USP50: variants seen among roughly 807,000 people sequenced by gnomAD.
The protein encoded by USP50 is ubiquitin specific peptidase 50.
In USP50, 37 loss-of-function variants were observed where a neutral mutation model predicts 39.2. The observed-to-expected ratio is 0.94, with a 90% CI of 0.73 to 1.24. The LOEUF (loss-of-function observed/expected upper bound fraction) is 1.24. USP50 is among the 50% of genes most tolerant of loss of function. The pLI, the probability that USP50 is intolerant of heterozygous loss-of-function variation, is 0.00. For missense variants in USP50, 374 were observed against 398.2 expected (o/e 0.94, Z 0.52); for synonymous variants, 139 against 144.5 (o/e 0.96, Z 0.27).
intron 6 of USP50, chr15:50,505,417 T>A (rs2052645231): frequency 6.6e-6 from 1 of 152,176 alleles, no homozygotes; most frequent in African/African-American, 2.4e-5. Flanking sequence ...GGAATTTGAT[T>A]TCTAGTTATC....
downstream of USP50, chr15:50,495,972 G>A: frequency 6.2e-7 from 1 of 1,613,790 alleles, no homozygotes; most frequent in Non-Finnish European, 8.5e-7. Context: ...CTTTTTCAGG[G>A]TCAATTCAAA....
intron 4 of USP50, among the ~76,000 whole-genome samples, chr15:50,539,661 G>A (rs1476335500): frequency 4.6e-5 from 7 of 150,916 alleles, no homozygotes; most frequent in African/African-American, 7.3e-5. Flanking sequence ...TGATCCGCCC[G>A]CCTTGGCCTC....
At chr15:50,522,036 A>G (rs1416146659) in intron 6 of USP50, among the ~76,000 whole-genome samples, 2 of 152,190 alleles carry the variant, frequency 1.3e-5, no homozygotes, top group Non-Finnish European at 2.9e-5. Context: ...AGAAACTACT[A>G]TAAACAATTA....
intron 6 of USP50, among the ~76,000 whole-genome samples, chr15:50,528,876 T>C (rs2052918627): frequency 1.3e-5 from 2 of 152,132 alleles, no homozygotes; most frequent in Admixed American, 6.6e-5. Flanking sequence ...TGGGCTCCGG[T>C]GGGAGTCTCA....
At position 50,546,453 on chromosome 15, in the gene USP50, T is replaced by C. The variant is rs745679791; in HGVS notation, c.53+20A>G. 6.2e-7 allele frequency: 1 copy of C among 1,613,092 alleles called. No homozygotes were observed. Among genetic ancestry groups the C allele is most frequent in the Non-Finnish European group, 8.5e-7 (1 of 1,179,184 alleles). Reference sequence around the variant, plus strand: ...CCACCACTGGGCTAATCTAGAAAGCTGTAGTAGATCAAGGCTCACAGGACG... The same window carrying C: ...CCACCACTGGGCTAATCTAGAAAGCCGTAGTAGATCAAGGCTCACAGGACG... On this transcript the variant is annotated intron_variant, in intron 1 of 6. Coordinates refer to ENST00000532404, the MANE Select transcript of USP50 (RefSeq NM_203494.5).
At chr15:50,508,875 C>T (rs2052698864) in intron 6 of USP50, 1 of 150,908 alleles carries the variant, frequency 6.6e-6, no homozygotes, top group African/African-American at 2.4e-5. Context: ...TGGCTCACGC[C>T]TGTAATCCCA....
At chr15:50,510,078 A>T (rs961606921) in intron 6 of USP50, 2 of 152,174 alleles carry the variant, frequency 1.3e-5, no homozygotes, top group Non-Finnish European at 2.9e-5. Flanking sequence ...TATAGCTATA[A>T]TTAATACAGT....
Position 50,509,909 on chromosome 15 carries a change from T to A in USP50, c.937-9072A>T, listed in dbSNP as rs146021651. ...GGGCCAGGAATAATCGAAATACTAC[T>A]GAAAAATAAGAATAAAGTTGTGATG... On this transcript the variant is annotated intron_variant, in intron 6 of 6. Coordinates refer to ENST00000532404, the MANE Select transcript of USP50 (RefSeq NM_203494.5). 8.3e-4 allele frequency: 127 copies of A among 152,230 alleles called. 1 individual carries two copies. The highest frequency in any genetic ancestry group is 3.0e-3 in the African/African-American group (123 of 41,568). 9.4% of individuals were successfully genotyped at this position (152,230 alleles called of 1,614,324 possible).
chr15:50,500,599 C>A lies in USP50; in HGVS notation c.*170G>T. ...GTTTAATGACCAAGCAAAACTCTAC[C>A]ACCAGATGCTGACTGCTTGTTTTGC... On this transcript the variant is annotated 3_prime_UTR_variant, in exon 7 of 7. Coordinates refer to ENST00000532404, the MANE Select transcript of USP50 (RefSeq NM_203494.5). 1.7e-6 allele frequency: 1 copy of A among 572,776 alleles called. No individual in the cohort carries two copies. The highest frequency in any genetic ancestry group is 2.3e-5 in the South Asian group (1 of 44,410). 35.5% of individuals were successfully genotyped at this position (572,776 alleles called of 1,614,324 possible).
At chr15:50,510,791 T>C (rs1278123540) in intron 6 of USP50, 1 of 152,134 alleles carries the variant, frequency 6.6e-6, no homozygotes, top group African/African-American at 2.4e-5. Flanking sequence ...TGGTTTTTTT[T>C]TTAGAGATGG....
At chr15:50,530,369 G>A (rs777541450) in intron 5 of USP50, among the ~76,000 whole-genome samples, 3 of 151,960 alleles carry the variant, frequency 2.0e-5, no homozygotes, top group Non-Finnish European at 4.4e-5. Context: ...GATCACTTGA[G>A]GTCAGGAGTT....
downstream of USP50, among the ~76,000 whole-genome samples, chr15:50,496,446 A>C (rs2052409890): frequency 6.8e-6 from 1 of 146,570 alleles, no homozygotes; most frequent in African/African-American, 2.6e-5. Context: ...TCGCCACTGC[A>C]CTCCAGCCTA....
At chr15:50,498,022 A>G (rs780761156), downstream of USP50, among the ~76,000 whole-genome samples, 3 of 152,202 alleles carry the variant, frequency 2.0e-5, no homozygotes, top group Non-Finnish European at 4.4e-5. Context: ...GGATTCTGGA[A>G]GTATAAACAT....
chr15:50,536,995 A>G (rs2052984919), intron 5 of USP50, among the ~76,000 whole-genome samples: 1 of 152,212 alleles, frequency 6.6e-6, no homozygotes, highest in African/African-American at 2.4e-5. Flanking sequence ...CCAAAACTAT[A>G]CTGAAGGAAA....
chr15:50,519,716 TA>T (rs36075468), intron 6 of USP50, among the ~76,000 whole-genome samples: 163 of 141,608 alleles, frequency 1.2e-3, no homozygotes, highest in Admixed American at 1.2e-3. Context: ...CTCCGTCTCT[TA>T]AAAAAAAAAA....
chr15:50,525,620 A>G lies in USP50; in HGVS notation c.936+4177T>C, dbSNP rs71394995. On this transcript the variant is annotated intron_variant, in intron 6 of 6. Transcript: ENST00000532404. ...TATATGTATATGTATATATGTATAT[A>G]TGTATATGTATATATGTATATGTGT... Among the ~76,000 whole-genome samples the G allele has an allele frequency of 4.0e-3, 470 of 116,192 alleles. 5 individuals carry two copies. Among genetic ancestry groups the G allele is most frequent in the African/African-American group, 0.016 (434 of 27,240 alleles). The allele number at this position is 116,192 out of a possible 152,430, so 76.2% of individuals were successfully genotyped here. A position where few individuals can be genotyped will look rare whatever the true frequency, so the allele number is the denominator to read the frequency against.
chr15:50,522,560 C>T (rs1327109567), intron 6 of USP50, among the ~76,000 whole-genome samples: 1 of 152,092 alleles, frequency 6.6e-6, no homozygotes, highest in Admixed American at 6.6e-5. Context: ...TAAAGCCAGA[C>T]AAGGACAGTA....
At chr15:50,507,853 G>A (rs919259774) in intron 6 of USP50, 5 of 152,002 alleles carry the variant, frequency 3.3e-5, no homozygotes, top group South Asian at 2.1e-4. Flanking sequence ...GGCGAATCAC[G>A]AGGTCAGGAG....
Position 50,538,810 on chromosome 15 carries a change from C to T in USP50, c.702G>A (p.Trp234Ter), listed in dbSNP as rs771754475. 2 of 1,613,036 alleles carry T rather than the reference C, an allele frequency of 1.2e-6. No individual in the cohort carries two copies. The highest frequency in any genetic ancestry group is 1.7e-6 in the Non-Finnish European group (2 of 1,179,490). ...AAAAGGAGCAGTGAATTTCGTTGTT[C>T]CAGGTCAGTGCGTCTTGTTGAAAAA... ...QCFFQQDALT[W>*]NNEIHCSFCE... The change falls in exon 5 of 7, where the codon TGG (tryptophan) becomes TGA (stop). Residue 234 changes from tryptophan to a stop codon, truncating the protein, a stop_gained. Coordinates refer to ENST00000532404, the MANE Select transcript of USP50 (RefSeq NM_203494.5). LOFTEE classifies it high-confidence loss of function.
Sources: gnomAD v4.1 joint callset for allele counts (sites outside exome capture counted in the v4.1 genomes callset) on GRCh38, gnomAD v4.1.1 for gene constraint, MANE v1.5 for transcripts, NCBI Gene and HGNC (gene_info 2026-07-23, HGNC 2026-07-21) for gene names.